SPAG16: variants seen among roughly 807,000 people sequenced by gnomAD.
SPAG16 encodes sperm-associated antigen 16 protein.
SPAG16 carries 86 observed loss-of-function variants against 80.4 expected under a neutral mutation model. That is an observed-to-expected ratio of 1.07 (90% CI 0.90 to 1.28). The LOEUF (loss-of-function observed/expected upper bound fraction) is 1.28, where lower values mean the gene tolerates loss of function less well. SPAG16 is among the 50% of genes most tolerant of loss of function. The probability of loss-of-function intolerance (pLI) is 0.00; values close to 1 mark genes in which losing one functional copy is unlikely to be tolerated. For missense variants in SPAG16, 870 were observed against 765.3 expected, an observed-to-expected ratio of 1.14 and a Z score of -1.61; for synonymous variants, 294 against 265.9, an observed-to-expected ratio of 1.11 and a Z score of -1.03.
chr2:213,968,182 TC>T (rs1187010783), intron 12 of SPAG16, among the ~76,000 whole-genome samples: 2 of 151,944 alleles, frequency 1.3e-5, no homozygotes, highest in African/African-American at 4.8e-5. Flanking sequence ...TCTTTTCTTT[TC>T]TTTTCCTTTC....
chr2:214,055,127 A>T (rs2049871044), intron 13 of SPAG16, among the ~76,000 whole-genome samples: 1 of 152,258 alleles, frequency 6.6e-6, no homozygotes, highest in Non-Finnish European at 1.5e-5. Flanking sequence ...AAATCACCTC[A>T]TTACATTTAT....
At chr2:214,038,797 G>GT (rs1288221675) in intron 13 of SPAG16, among the ~76,000 whole-genome samples, 2 of 151,512 alleles carry the variant, frequency 1.3e-5, no homozygotes, top group African/African-American at 2.4e-5. Context: ...GCAGTGTTTG[G>GT]TTTTTTGTCC....
At chr2:213,434,698 A>G (rs768755082) in intron 9 of SPAG16, among the ~76,000 whole-genome samples, 25 of 152,248 alleles carry the variant, frequency 1.6e-4, no homozygotes, top group Non-Finnish European at 2.4e-4. Context: ...CAAGCATAGA[A>G]AAGATGCTCA....
intron 10 of SPAG16, among the ~76,000 whole-genome samples, chr2:213,497,876 A>G (rs1199378442): frequency 6.6e-6 from 1 of 152,112 alleles, no homozygotes; most frequent in African/African-American, 2.4e-5. Context: ...GACTGACAAT[A>G]CATTAAGAAT....
chr2:214,233,634 T>C lies in SPAG16; in HGVS notation c.1720+84368T>C, dbSNP rs562218893. 3.9e-5 allele frequency among the ~76,000 whole-genome samples: 6 copies of C among 152,194 alleles called. 1 individual carries two copies. In the South Asian group the frequency reaches 1.0e-3, roughly 26 times the overall value. On this transcript the variant is annotated intron_variant, in intron 15 of 15. Transcript: ENST00000331683. ...CTGTGTATATCATGGAAATGATCAC[T>C]TCAATTCTTTGTGCATCAGGGTTCT...
At chr2:213,394,177 C>T (rs11682093) in intron 9 of SPAG16, among the ~76,000 whole-genome samples, 44,676 of 151,850 alleles carry the variant, frequency 0.29, 7,041 homozygotes, top group African/African-American at 0.35. Flanking sequence ...ATGTTCATAT[C>T]TTTTTTAGCA....
rs549492127 is a variant in SPAG16 at position 214,023,379 on chromosome 2, G to A, written c.1527+9302G>A. ...TCCCTAGAGGAGTAGTATTTGAGTG[G>A]CTATCAATTGCTTCCTAAGGCATTC... On this transcript the variant is annotated intron_variant, in intron 13 of 15. Transcript: ENST00000331683. Among the ~76,000 whole-genome samples, 4 of 150,436 alleles carry A rather than the reference G, an allele frequency of 2.7e-5. No homozygotes were observed. In the South Asian group the frequency reaches 8.4e-4, roughly 32 times the overall value.
At chr2:214,122,323 G>A (rs1006762545) in intron 14 of SPAG16, among the ~76,000 whole-genome samples, 3 of 151,742 alleles carry the variant, frequency 2.0e-5, no homozygotes, top group African/African-American at 7.3e-5. Context: ...ACAATAATTA[G>A]GCAGTTAAAT....
chr2:214,386,838 T>G (rs1320819887), intron 15 of SPAG16, among the ~76,000 whole-genome samples: 1 of 150,842 alleles, frequency 6.6e-6, no homozygotes, highest in East Asian at 1.9e-4. Flanking sequence ...CATTCCAGCC[T>G]TGGCAACAGA....
chr2:213,433,341 G>T (rs2070419397), intron 9 of SPAG16, among the ~76,000 whole-genome samples: 1 of 152,128 alleles, frequency 6.6e-6, no homozygotes, highest in South Asian at 2.1e-4. Context: ...TCTTATACTT[G>T]ATTAGAAAAT....
chr2:214,318,580 T>C (rs991491899), intron 15 of SPAG16, among the ~76,000 whole-genome samples: 1 of 151,940 alleles, frequency 6.6e-6, no homozygotes, highest in African/African-American at 2.4e-5. Context: ...CTCACCATGT[T>C]GGCCAGGCTG....
At chr2:213,929,867 A>G in intron 11 of SPAG16, 93 bp from the exon 12 acceptor site, 1 of 1,078,814 alleles carries the variant, frequency 9.3e-7, no homozygotes, top group Non-Finnish European at 1.4e-6. Flanking sequence ...AATCAGATAC[A>G]TACACATACA....
At chr2:213,739,917 C>A (rs2067468637) in intron 10 of SPAG16, among the ~76,000 whole-genome samples, 1 of 152,050 alleles carries the variant, frequency 6.6e-6, no homozygotes, top group Non-Finnish European at 1.5e-5. Context: ...CTCTGCATAT[C>A]CTTTGAAAAA....
intron 15 of SPAG16, among the ~76,000 whole-genome samples, chr2:214,178,867 T>A (rs1486768540): frequency 6.6e-6 from 1 of 151,372 alleles, no homozygotes; most frequent in African/African-American, 2.4e-5. Flanking sequence ...ATATATAGTA[T>A]GCATGCAAAT....
intron 15 of SPAG16, among the ~76,000 whole-genome samples, chr2:214,387,745 G>A (rs1474874015): frequency 6.6e-6 from 1 of 152,182 alleles, no homozygotes; most frequent in Non-Finnish European, 1.5e-5. Context: ...GCAGCAGAAA[G>A]GAGAATGAGT....
chr2:214,088,078 A>C (rs2051903810), intron 13 of SPAG16, among the ~76,000 whole-genome samples: 1 of 152,144 alleles, frequency 6.6e-6, no homozygotes, highest in Non-Finnish European at 1.5e-5. Flanking sequence ...AAGGTTATTA[A>C]CTATGTAATA....
intron 9 of SPAG16, among the ~76,000 whole-genome samples, chr2:213,469,733 C>T (rs1244648773): frequency 4.6e-5 from 7 of 152,044 alleles, no homozygotes; most frequent in Non-Finnish European, 8.8e-5. Context: ...AATGGATCTC[C>T]TATATTCCAC....
intron 10 of SPAG16, among the ~76,000 whole-genome samples, chr2:213,834,207 T>G (rs1291380624): frequency 6.6e-6 from 1 of 152,148 alleles, no homozygotes; most frequent in African/African-American, 2.4e-5. Context: ...TAAACCTCTT[T>G]TTCTTCCCAT....
chr2:213,407,355 C>G (rs921724434), intron 9 of SPAG16, among the ~76,000 whole-genome samples: 1 of 151,874 alleles, frequency 6.6e-6, no homozygotes, highest in East Asian at 1.9e-4. Flanking sequence ...GGCAAGACGC[C>G]CCCTGGTTTG....
Sources: allele counts gnomAD v4.1 joint callset (sites outside exome capture counted in the v4.1 genomes callset), GRCh38; gene constraint gnomAD v4.1.1; transcripts MANE v1.5; gene names NCBI Gene and HGNC (gene_info 2026-07-23, HGNC 2026-07-21).